Variants in DLGAP1 observed in about 807,000 individuals in gnomAD.
The protein encoded by DLGAP1 is disks large-associated protein 1.
In DLGAP1, 11 loss-of-function variants were observed where a neutral mutation model predicts 90.8. That is an observed-to-expected ratio of 0.12 (90% CI 0.08 to 0.20). DLGAP1 has a LOEUF of 0.20. Among genes scored for constraint, DLGAP1 ranks in the 10% least tolerant of loss-of-function variants. The probability of loss-of-function intolerance (pLI) is 1.00; values close to 1 mark genes in which losing one functional copy is unlikely to be tolerated. For missense variants in DLGAP1, 1,050 were observed against 1,333.8 expected, an observed-to-expected ratio of 0.79 and a Z score of 3.31; for synonymous variants, 558 against 540.7, an observed-to-expected ratio of 1.03 and a Z score of -0.44.
At chr18:3,987,910 C>T (rs1382591005) in intron 3 of DLGAP1, among the ~76,000 whole-genome samples, 1 of 151,994 alleles carries the variant, frequency 6.6e-6, no homozygotes, top group Non-Finnish European at 1.5e-5. Flanking sequence ...CTTTTTGGCA[C>T]CAGGGACTGG....
chr18:3,668,502 T>C (rs764106182), intron 7 of DLGAP1, among the ~76,000 whole-genome samples: 1 of 152,080 alleles, frequency 6.6e-6, no homozygotes, highest in Non-Finnish European at 1.5e-5. Flanking sequence ...CAAATTTTTG[T>C]AGAGATGGGG....
intron 1 of DLGAP1, among the ~76,000 whole-genome samples, chr18:4,452,965 A>C (rs537314262): frequency 1.3e-5 from 2 of 152,330 alleles, no homozygotes; most frequent in South Asian, 4.1e-4. Context: ...TTTGCAGACT[A>C]ATCTTAGAAT....
chr18:3,617,211 GA>G (rs2057905581), intron 7 of DLGAP1, among the ~76,000 whole-genome samples: 2 of 152,142 alleles, frequency 1.3e-5, no homozygotes, highest in East Asian at 3.8e-4. Context: ...GAAAGAAACA[GA>G]ACATTTTCCC....
chr18:4,204,184 A>G (rs904810900), intron 1 of DLGAP1, among the ~76,000 whole-genome samples: 4 of 152,242 alleles, frequency 2.6e-5, no homozygotes. Context: ...AATAGTGTCA[A>G]TAAAACTAGA....
At chr18:3,678,791 A>C (rs1004672768) in intron 7 of DLGAP1, among the ~76,000 whole-genome samples, 1 of 152,194 alleles carries the variant, frequency 6.6e-6, no homozygotes, top group Non-Finnish European at 1.5e-5. Flanking sequence ...CCCAAATATA[A>C]AACAAAGCTC....
chr18:4,299,503 T>G (rs2080072320), intron 1 of DLGAP1, among the ~76,000 whole-genome samples: 1 of 152,200 alleles, frequency 6.6e-6, no homozygotes, highest in Non-Finnish European at 1.5e-5. Flanking sequence ...CCAAAAATAA[T>G]CATCTGTACA....
At chr18:4,270,248 AT>A (rs2079245427) in intron 1 of DLGAP1, among the ~76,000 whole-genome samples, 2 of 152,020 alleles carry the variant, frequency 1.3e-5, no homozygotes, top group South Asian at 4.1e-4. Context: ...GCTTTATTTC[AT>A]TTTCCCCTCT....
intron 8 of DLGAP1, among the ~76,000 whole-genome samples, chr18:3,576,000 AT>A (rs1405348860): frequency 7.2e-5 from 11 of 152,140 alleles, no homozygotes; most frequent in African/African-American, 2.7e-4. Flanking sequence ...CAGCACATTT[AT>A]TTATTATATC....
chr18:3,739,469 C>T (rs1410738159), intron 6 of DLGAP1, among the ~76,000 whole-genome samples: 1 of 145,882 alleles, frequency 6.9e-6, no homozygotes, highest in African/African-American at 2.6e-5. Flanking sequence ...AGTTCATGTC[C>T]TTTGTAGGGA....
At chr18:3,539,760 A>G (rs1332077534) in intron 9 of DLGAP1, among the ~76,000 whole-genome samples, 1 of 152,224 alleles carries the variant, frequency 6.6e-6, no homozygotes, top group Non-Finnish European at 1.5e-5. Context: ...TATCTTTATG[A>G]CATCCATGCT....
chr18:3,536,154 T>C (rs1403634166), intron 9 of DLGAP1, among the ~76,000 whole-genome samples: 5 of 151,904 alleles, frequency 3.3e-5, no homozygotes, highest in African/African-American at 1.2e-4. Flanking sequence ...GAAAGCAAAC[T>C]GAAGTAAGTT....
intron 5 of DLGAP1, among the ~76,000 whole-genome samples, chr18:3,760,279 A>C (rs888908740): frequency 6.6e-6 from 1 of 152,166 alleles, no homozygotes; most frequent in South Asian, 2.1e-4. Context: ...TGCGGAAGGA[A>C]GACAGGAGGG....
At chr18:4,152,359 A>T (rs2144413567) in intron 1 of DLGAP1, among the ~76,000 whole-genome samples, 1 of 152,348 alleles carries the variant, frequency 6.6e-6, no homozygotes, top group African/African-American at 2.4e-5. Flanking sequence ...TATAAGAATT[A>T]TAGTGCTTAA....
intron 7 of DLGAP1, among the ~76,000 whole-genome samples, chr18:3,643,325 T>C (rs1310579435): frequency 6.6e-6 from 1 of 151,984 alleles, no homozygotes; most frequent in Non-Finnish European, 1.5e-5. Flanking sequence ...CTCTAATATA[T>C]AACTCCAACA....
At position 3,887,976 on chromosome 18, in the gene DLGAP1, C is replaced by T. The variant is rs1281196296; in HGVS notation, c.-72-7836G>A. ...ACAAAAAATTAGCCAGGCGTGGTGG[C>T]GGGCGCCTGTAGTCCCAGCTACTTG... On this transcript the variant is annotated intron_variant, in intron 3 of 12. Transcript: ENST00000315677. Among the ~76,000 whole-genome samples the T allele has an allele frequency of 4.6e-5, 7 of 151,538 alleles. No individual in the cohort carries two copies. The South Asian group carries it at 6.2e-4, about 14-fold the overall frequency.
chr18:4,107,507 G>GA, intron 2 of DLGAP1, among the ~76,000 whole-genome samples: 1 of 151,920 alleles, frequency 6.6e-6, no homozygotes, highest in South Asian at 2.1e-4. Flanking sequence ...TCACCATTAT[G>GA]AAAAAAGGGA....
intron 1 of DLGAP1, among the ~76,000 whole-genome samples, chr18:4,172,323 A>G (rs901642341): frequency 6.6e-6 from 1 of 152,236 alleles, no homozygotes; most frequent in African/African-American, 2.4e-5. Flanking sequence ...TTTTCTGTTC[A>G]AGATAACTAC....
intron 1 of DLGAP1, among the ~76,000 whole-genome samples, chr18:4,429,559 T>C (rs2083235140): frequency 6.6e-6 from 1 of 152,196 alleles, no homozygotes; most frequent in Non-Finnish European, 1.5e-5. Flanking sequence ...TTGGTAAAAA[T>C]TAAGAAGCCT....
chr18:4,443,761 G>A (rs141670976), intron 1 of DLGAP1, among the ~76,000 whole-genome samples: 70 of 152,288 alleles, frequency 4.6e-4, no homozygotes, highest in African/African-American at 1.6e-3. Context: ...TGCCAATATG[G>A]CTACCCAAAA....
Sources: gnomAD v4.1 joint callset for allele counts (sites outside exome capture counted in the v4.1 genomes callset) on GRCh38, gnomAD v4.1.1 for gene constraint, MANE v1.5 for transcripts, NCBI Gene and HGNC (gene_info 2026-07-23, HGNC 2026-07-21) for gene names.